The following IRGM variants were observed in gnomAD, a reference collection of about 807,000 sequenced individuals.
IRGM encodes the protein immunity related GTPase M.
For synonymous variants in IRGM, 98 were observed against 80.6 expected (o/e 1.22, Z -1.16); for missense variants, 288 against 219.9 (o/e 1.31, Z -1.96).
chr5:150,883,946 T>C (rs1013113922), intron 3 of IRGM, among the ~76,000 whole-genome samples: 3 of 151,914 alleles, frequency 2.0e-5, no homozygotes, highest in Non-Finnish European at 4.4e-5. Context: ...AAAAGAAAAC[T>C]GTAAGCTAAT....
intron 2 of IRGM, chr5:150,878,230 A>C (rs2113284263): frequency 3.0e-6 from 1 of 333,624 alleles, no homozygotes; most frequent in African/African-American, 2.2e-5. Context: ...TAGAGAGTAC[A>C]AATAGTGATC....
chr5:150,883,179 C>G (rs1176564142), intron 3 of IRGM, among the ~76,000 whole-genome samples: 12 of 151,848 alleles, frequency 7.9e-5, no homozygotes, highest in Admixed American at 7.9e-4. Context: ...AAAGTGGAAA[C>G]AAAATATATC....
intron 3 of IRGM, chr5:150,897,833 T>C (rs2113019880): frequency 2.2e-6 from 1 of 448,616 alleles, no homozygotes; most frequent in Non-Finnish European, 3.8e-6. Flanking sequence ...TTGCCTTCTA[T>C]TGCCTTTAAA....
At chr5:150,901,562 C>G (rs767347761), downstream of IRGM, among the ~76,000 whole-genome samples, 2 of 152,032 alleles carry the variant, frequency 1.3e-5, no homozygotes, top group Non-Finnish European at 2.9e-5. Context: ...TGCAATAGAA[C>G]TCTAAACTCT....
At chr5:150,881,904 G>A (rs1363675159) in intron 3 of IRGM, among the ~76,000 whole-genome samples, 2 of 151,984 alleles carry the variant, frequency 1.3e-5, no homozygotes, top group South Asian at 2.1e-4. Flanking sequence ...AGGAATCAGC[G>A]AGGCACAGTG....
At chr5:150,881,255 G>C (rs1754441014) in intron 3 of IRGM, among the ~76,000 whole-genome samples, 1 of 152,074 alleles carries the variant, frequency 6.6e-6, no homozygotes, top group Non-Finnish European at 1.5e-5. Context: ...AGAGAATTTT[G>C]AAAGCAAGAG....
intron 3 of IRGM, among the ~76,000 whole-genome samples, chr5:150,888,473 T>C (rs1754557885): frequency 1.3e-5 from 2 of 152,038 alleles, no homozygotes; most frequent in Non-Finnish European, 2.9e-5. Context: ...AATGGATCTA[T>C]AGAACTCTCC....
chr5:150,861,321 A>G (rs1029898344), intron 1 of IRGM, among the ~76,000 whole-genome samples: 2 of 152,198 alleles, frequency 1.3e-5, no homozygotes, highest in African/African-American at 4.8e-5. Context: ...TTTCAGGACA[A>G]TCATACCTCT....
rs1468405411 is a variant in IRGM, at chr5:150,847,873, G to A, written c.-251G>A. 6.5e-6 allele frequency: 3 copies of A among 461,928 alleles called. No homozygotes were observed. Among genetic ancestry groups the A allele is most frequent in the South Asian group, 2.5e-5 (1 of 40,606 alleles). The allele number at this position is 461,928 out of a possible 1,614,324, so 28.6% of individuals were successfully genotyped here. A position where few individuals can be genotyped will look rare whatever the true frequency, so the allele number is the denominator to read the frequency against. On this transcript the variant is annotated 5_prime_UTR_variant, in exon 2 of 2. Transcript: ENST00000522154. ...GCTGGAGTGCAATGGCGTGATCTCA[G>A]CTCACTGCAATATCTGCGTCCAGGG...
intron 3 of IRGM, among the ~76,000 whole-genome samples, chr5:150,885,961 AG>A (rs1668713304): frequency 1.3e-5 from 2 of 152,036 alleles, no homozygotes; most frequent in African/African-American, 4.8e-5. Context: ...AAGAGTGGTG[AG>A]AGAGGGTATC....
At chr5:150,863,007 G>A (rs1477697077) in intron 1 of IRGM, among the ~76,000 whole-genome samples, 1 of 152,188 alleles carries the variant, frequency 6.6e-6, no homozygotes, top group East Asian at 1.9e-4. Context: ...GAATTTATGG[G>A]GGAGTTGAGA....
intron 3 of IRGM, among the ~76,000 whole-genome samples, chr5:150,885,817 GA>G (rs1336951464): frequency 6.6e-6 from 1 of 152,126 alleles, no homozygotes; most frequent in Non-Finnish European, 1.5e-5. Context: ...CTTTTGAGCT[GA>G]GACTATGGGG....
chr5:150,896,290 T>G, intron 3 of IRGM: 1 of 1,613,728 alleles, frequency 6.2e-7, no homozygotes, highest in Non-Finnish European at 8.5e-7. Flanking sequence ...GTATGAGTTC[T>G]CTGATGTACA....
rs562706947 is a variant in IRGM, at chr5:150,890,028, T to A, written c.*140+10382T>A. Among the ~76,000 whole-genome samples the A allele has an allele frequency of 5.5e-4, 83 of 152,196 alleles. 1 individual carries two copies. The Middle Eastern group carries it at 0.02, about 37-fold the overall frequency. On this transcript the variant is annotated intron_variant and NMD_transcript_variant, in intron 3 of 3. Coordinates refer to the IRGM transcript ENST00000520549. ...GTATCATGGTGATGCTGACCTAATA[T>A]AATGAATTGGGAACTATCCCTTCCT...
downstream of IRGM, among the ~76,000 whole-genome samples, chr5:150,902,362 T>C (rs533427784): frequency 2.5e-3 from 373 of 152,238 alleles, no homozygotes; most frequent in African/African-American, 8.7e-3. Flanking sequence ...AAATACATAG[T>C]TTAGAAAAAC....
Position 150,848,307 on chromosome 5 carries a change from G to C in IRGM, c.184G>C (p.Ala62Pro). Residue 62 changes from alanine to proline, a missense_variant, in exon 2 of 2, where the codon GCC becomes CCC. Physicochemically the swap from Ala to Pro is conservative, Grantham distance 27 (BLOSUM62 -1). Coordinates refer to ENST00000522154, the MANE Select transcript of IRGM (RefSeq NM_001145805.2). ...ALRNTGHEGK[A>P]SPPTELVKAT... ...TCGAAACACAGGACATGAGGGTAAGGCCTCACCTCCTACTGAGCTGGTAAA... is the reference window on the plus strand; with the variant it reads ...TCGAAACACAGGACATGAGGGTAAGCCCTCACCTCCTACTGAGCTGGTAAA... 6.4e-7 allele frequency: 1 copy of C among 1,551,702 alleles called. No homozygotes were observed. The highest frequency in any genetic ancestry group is 1.2e-5 in the South Asian group (1 of 84,048).
intron 3 of IRGM, chr5:150,897,952 A>G (rs1247776469): frequency 7.5e-7 from 1 of 1,328,910 alleles, no homozygotes; most frequent in East Asian, 2.3e-5. Context: ...TTGTTGAGTG[A>G]CTACTAAATT....
chr5:150,859,397 C>T (rs1468585038), intron 1 of IRGM, among the ~76,000 whole-genome samples: 2 of 151,916 alleles, frequency 1.3e-5, no homozygotes, highest in South Asian at 2.1e-4. Context: ...TCTTTTTTGG[C>T]TGTGTCTCTG....
intron 3 of IRGM, among the ~76,000 whole-genome samples, chr5:150,882,118 G>T (rs1393708091): frequency 6.6e-6 from 1 of 151,896 alleles, no homozygotes; most frequent in African/African-American, 2.4e-5. Context: ...GGAAGTTGAG[G>T]CTGCTGTGAG....
Sources: gnomAD v4.1 joint callset for allele counts (sites outside exome capture counted in the v4.1 genomes callset) on GRCh38, gnomAD v4.1.1 for gene constraint, MANE v1.5 for transcripts, NCBI Gene and HGNC (gene_info 2026-07-23, HGNC 2026-07-21) for gene names.